ITGA9: variants seen among roughly 807,000 people sequenced by gnomAD.
The protein encoded by ITGA9 is integrin alpha-9.
ITGA9 carries 56 observed loss-of-function variants against 127.8 expected under a neutral mutation model. That is an observed-to-expected ratio of 0.44 (90% CI 0.35 to 0.55). The LOEUF is 0.55. Ranked by LOEUF, ITGA9 falls within the 20% of genes least tolerant of loss-of-function variation. The pLI, the probability that ITGA9 is intolerant of heterozygous loss-of-function variation, is 0.00. For synonymous variants in ITGA9, 508 were observed against 514.5 expected, an observed-to-expected ratio of 0.99 and a Z score of 0.17; for missense variants, 1,196 against 1,347.1, an observed-to-expected ratio of 0.89 and a Z score of 1.76.
chr3:37,574,580 C>A (rs967920192), intron 15 of ITGA9, among the ~76,000 whole-genome samples: 1 of 152,234 alleles, frequency 6.6e-6, no homozygotes, highest in Non-Finnish European at 1.5e-5. Flanking sequence ...TGAACTCCCA[C>A]TGGGATGTAG....
At chr3:37,674,470 G>A (rs1478406623) in intron 17 of ITGA9, among the ~76,000 whole-genome samples, 1 of 152,216 alleles carries the variant, frequency 6.6e-6, no homozygotes, top group African/African-American at 2.4e-5. Context: ...ACTTGTGCTT[G>A]CTGACATGTA....
intron 27 of ITGA9, chr3:37,818,543 G>T (rs937307851): frequency 3.2e-6 from 1 of 315,190 alleles, no homozygotes; most frequent in Admixed American, 4.3e-5. Flanking sequence ...GATTACAGGC[G>T]TGAGCCACTG....
intron 7 of ITGA9, among the ~76,000 whole-genome samples, chr3:37,506,670 G>A (rs932315992): frequency 6.6e-6 from 1 of 152,164 alleles, no homozygotes; most frequent in Non-Finnish European, 1.5e-5. Flanking sequence ...ATTCCTTTGG[G>A]AAACATGACC....
chr3:37,756,778 G>C (rs1396187033), intron 23 of ITGA9, among the ~76,000 whole-genome samples: 1 of 152,080 alleles, frequency 6.6e-6, no homozygotes, highest in Non-Finnish European at 1.5e-5. Context: ...AAGCATCAAT[G>C]GAATTTTTAA....
intron 20 of ITGA9, among the ~76,000 whole-genome samples, chr3:37,740,575 G>A (rs1356288843): frequency 6.6e-6 from 1 of 152,136 alleles, no homozygotes; most frequent in Non-Finnish European, 1.5e-5. Context: ...TGACTGAGCT[G>A]GTTGGAATCT....
chr3:37,458,013 T>C (rs187512273), intron 1 of ITGA9, among the ~76,000 whole-genome samples: 3 of 152,374 alleles, frequency 2.0e-5, no homozygotes, highest in African/African-American at 7.2e-5. Context: ...GGGAAAATGT[T>C]GTTTTTACAT....
rs1039898358 is a variant in ITGA9, at chr3:37,806,795, G to C, written c.3009+2853G>C. ...GCAGGAAAGCTTTGAGGAGGCTGTT[G>C]AATGAGGCCACCTGGGTCACAACAG... On this transcript the variant is annotated intron_variant, in intron 27 of 27. Transcript: ENST00000264741. This position sits in a 1 kb window ranked among gnomAD's most constrained non-coding sequence, Gnocchi z 4.3. The C allele has an allele frequency of 1.3e-5, 2 of 152,258 alleles. No homozygotes were observed. Among genetic ancestry groups the C allele is most frequent in the Non-Finnish European group, 2.9e-5 (2 of 68,098 alleles). The allele number at this position is 152,258 out of a possible 1,614,324, so 9.4% of individuals were successfully genotyped here. A position where few individuals can be genotyped will look rare whatever the true frequency, so the allele number is the denominator to read the frequency against.
At chr3:37,783,524 T>C (rs1697003151) in intron 25 of ITGA9, among the ~76,000 whole-genome samples, 1 of 151,876 alleles carries the variant, frequency 6.6e-6, no homozygotes, top group Non-Finnish European at 1.5e-5. Flanking sequence ...TTTAATCTTT[T>C]GTAGAGATAG....
intron 15 of ITGA9, among the ~76,000 whole-genome samples, chr3:37,545,966 A>T (rs1699322401): frequency 6.6e-6 from 1 of 152,180 alleles, no homozygotes; most frequent in Non-Finnish European, 1.5e-5. Flanking sequence ...TTTGTGTCAT[A>T]TTCATGTAGA....
At position 37,741,763 on chromosome 3, in the gene ITGA9, C is replaced by T; in HGVS notation, c.2268C>T (p.Asp756=). The T allele has an allele frequency of 6.2e-7, 1 of 1,613,916 alleles. No homozygotes were observed. Among genetic ancestry groups the T allele is most frequent in the Admixed American group, 1.7e-5 (1 of 59,994 alleles). The change falls in exon 21 of 28, where the codon GAC becomes GAT. Residue 756 remains aspartate (D), a synonymous_variant. Coordinates refer to ENST00000264741, the MANE Select transcript of ITGA9 (RefSeq NM_002207.3). ...GNTERSESLH[D]NTLVLMVPLM... ...CGGAGCGCTCTGAATCCCTGCATGA[C>T]AACACCCTCGTGCTGATGGTGCCAC...
chr3:37,522,135 A>C (rs1026158659), intron 11 of ITGA9, among the ~76,000 whole-genome samples: 1 of 152,072 alleles, frequency 6.6e-6, no homozygotes. Flanking sequence ...AGTCAAAGTG[A>C]GCCCCTAGAT....
chr3:37,699,611 C>T (rs1175234031), intron 18 of ITGA9, among the ~76,000 whole-genome samples: 1 of 152,206 alleles, frequency 6.6e-6, no homozygotes, highest in Admixed American at 6.5e-5. Context: ...CTCTTACACT[C>T]CTCCTCTTAC....
At chr3:37,594,641 A>G (rs1396146637) in intron 15 of ITGA9, among the ~76,000 whole-genome samples, 3 of 152,182 alleles carry the variant, frequency 2.0e-5, no homozygotes, top group African/African-American at 7.2e-5. Context: ...CTCAGCCCTC[A>G]GTTTCCCGTC....
intron 1 of ITGA9, among the ~76,000 whole-genome samples, chr3:37,455,111 C>T (rs1018140509): frequency 6.6e-6 from 1 of 152,218 alleles, no homozygotes; most frequent in Non-Finnish European, 1.5e-5. Flanking sequence ...AATTCTGGAT[C>T]TGTCCTAAGT....
chr3:37,459,269 C>T (rs774116649), intron 1 of ITGA9, among the ~76,000 whole-genome samples: 1 of 152,248 alleles, frequency 6.6e-6, no homozygotes, highest in Non-Finnish European at 1.5e-5. Context: ...GCCATTTGGG[C>T]TGCCATAACA....
rs1559609244 is a variant in ITGA9 at position 37,821,972 on chromosome 3, A to AT, written c.*2984dup. On this transcript the variant is annotated 3_prime_UTR_variant, in exon 28 of 28. Coordinates refer to ENST00000264741, the MANE Select transcript of ITGA9 (RefSeq NM_002207.3). ...TTGTGCAGTGATAGAGAAGTCAAGCATATCGTTAGCGCTCTCTCAACTTGG... is the reference window on the plus strand; with the variant it reads ...TTGTGCAGTGATAGAGAAGTCAAGCATTATCGTTAGCGCTCTCTCAACTTGG... The AT allele has an allele frequency of 1.3e-5, 2 of 152,046 alleles. No homozygotes were observed. Among genetic ancestry groups the AT allele is most frequent in the African/African-American group, 4.8e-5 (2 of 41,398 alleles). The allele number at this position is 152,046 out of a possible 1,614,324, so 9.4% of individuals were successfully genotyped here. A position where few individuals can be genotyped will look rare whatever the true frequency, so the allele number is the denominator to read the frequency against.
At chr3:37,623,669 G>A (rs1412592801) in intron 15 of ITGA9, among the ~76,000 whole-genome samples, 1 of 121,576 alleles carries the variant, frequency 8.2e-6, no homozygotes, top group African/African-American at 3.1e-5. Flanking sequence ...GGGTGTGTGT[G>A]TGTATGTGTG....
At chr3:37,742,566 A>G (rs1299971031) in intron 21 of ITGA9, among the ~76,000 whole-genome samples, 1 of 152,228 alleles carries the variant, frequency 6.6e-6, no homozygotes, top group Non-Finnish European at 1.5e-5. Context: ...TACCTCTTTG[A>G]TAGTGGAAAA....
At chr3:37,765,104 C>T (rs1575227561) in intron 23 of ITGA9, among the ~76,000 whole-genome samples, 1 of 152,098 alleles carries the variant, frequency 6.6e-6, no homozygotes, top group East Asian at 1.9e-4. Flanking sequence ...AGTGGTGAGA[C>T]AAATGAAAGA....
Sources: gnomAD v4.1 joint callset for allele counts (sites outside exome capture counted in the v4.1 genomes callset) on GRCh38, gnomAD v4.1.1 for gene constraint, Gnocchi (gnomAD v3.1) non-coding constraint, MANE v1.5 for transcripts, NCBI Gene and HGNC (gene_info 2026-07-23, HGNC 2026-07-21) for gene names.